Variants in CCDC7 observed in about 807,000 individuals in gnomAD.
CCDC7 encodes the protein coiled-coil domain containing 7.
In CCDC7, 183 loss-of-function variants were observed where a neutral mutation model predicts 196.9. That is an observed-to-expected ratio of 0.93 (90% CI 0.82 to 1.05). CCDC7 has a LOEUF of 1.05. Ranked by LOEUF, CCDC7 falls within the 50% of genes least tolerant of loss-of-function variation. CCDC7 has a pLI of 0.00. For missense variants in CCDC7, 1,540 were observed against 1,482.2 expected (o/e 1.04, Z -0.64); for synonymous variants, 525 against 484.6 (o/e 1.08, Z -1.10).
chr10:32,520,341 T>C (rs2047694387), intron 11 of CCDC7, among the ~76,000 whole-genome samples: 1 of 152,130 alleles, frequency 6.6e-6, no homozygotes, highest in Non-Finnish European at 1.5e-5. Context: ...ACCAACAGTG[T>C]ATGAGGGTTC....
rs187987105 is a variant in CCDC7 at position 32,804,236 on chromosome 10, C to T, written c.3014-779C>T. 2.2e-4 allele frequency among the ~76,000 whole-genome samples: 34 copies of T among 152,200 alleles called. No homozygotes were observed. The East Asian group carries it at 4.6e-3, about 21-fold the overall frequency. ...AATCACCCCTTTCTAACATAAATTC[C>T]TCCTTAATAAATTTCAGGTATTTTT... On this transcript the variant is annotated intron_variant, in intron 29 of 41. Coordinates refer to ENST00000639629, the Ensembl canonical transcript of CCDC7.
At chr10:32,855,224 A>G (rs1444725907) in intron 41 of CCDC7, among the ~76,000 whole-genome samples, 2 of 150,428 alleles carry the variant, frequency 1.3e-5, no homozygotes, top group Admixed American at 6.6e-5. Flanking sequence ...TTTTTAATTC[A>G]TACAGAATCT....
intron 24 of CCDC7, among the ~76,000 whole-genome samples, chr10:32,704,069 C>G (rs1388193948): frequency 6.6e-6 from 1 of 152,126 alleles, no homozygotes; most frequent in Non-Finnish European, 1.5e-5. Context: ...CAGCTGCGTT[C>G]CTTTGGAGGA....
upstream of CCDC7, among the ~76,000 whole-genome samples, chr10:32,449,655 T>A (rs1010196933): frequency 2.0e-5 from 3 of 152,068 alleles, no homozygotes; most frequent in Non-Finnish European, 2.9e-5. Context: ...AGTATGTGGG[T>A]GTATTTGTTT....
intron 13 of CCDC7, among the ~76,000 whole-genome samples, chr10:32,563,527 C>G (rs1240809074): frequency 6.6e-6 from 1 of 152,120 alleles, no homozygotes; most frequent in Non-Finnish European, 1.5e-5. Flanking sequence ...TTTGACAAAC[C>G]TGAGAAAAAT....
At chr10:32,599,780 A>G (rs2060804191) in intron 18 of CCDC7, among the ~76,000 whole-genome samples, 1 of 152,188 alleles carries the variant, frequency 6.6e-6, no homozygotes, top group Non-Finnish European at 1.5e-5. Context: ...TGTATCCAAT[A>G]TGCAGGTTCT....
At chr10:32,782,124 T>C (rs959553408) in intron 29 of CCDC7, among the ~76,000 whole-genome samples, 1 of 152,258 alleles carries the variant, frequency 6.6e-6, no homozygotes, top group Admixed American at 6.5e-5. Context: ...GCAAAAGACT[T>C]GTATACTGAA....
chr10:32,524,635 TA>T (rs1272316622), intron 11 of CCDC7, among the ~76,000 whole-genome samples: 1 of 152,216 alleles, frequency 6.6e-6, no homozygotes, highest in Admixed American at 6.5e-5. Flanking sequence ...GCTTAAAGAA[TA>T]TTTTTGCCAG....
intron 2 of CCDC7, among the ~76,000 whole-genome samples, chr10:32,453,812 T>A (rs903738269): frequency 6.6e-6 from 1 of 152,218 alleles, no homozygotes; most frequent in Admixed American, 6.5e-5. Context: ...GTTTAACATA[T>A]ACTTAAAAGA....
downstream of CCDC7, chr10:32,876,441 A>G (rs2094599555): frequency 6.5e-7 from 1 of 1,540,694 alleles, no homozygotes; most frequent in Non-Finnish European, 8.9e-7. Context: ...AAATTCAGAA[A>G]TGCAGGAAAG....
chr10:32,574,759 A>G (rs1368553903), intron 16 of CCDC7, among the ~76,000 whole-genome samples: 1 of 152,226 alleles, frequency 6.6e-6, no homozygotes, highest in Non-Finnish European at 1.5e-5. Context: ...AGAGTTACAC[A>G]GTCAACCTAG....
At chr10:32,448,841 A>G (rs2032185503), upstream of CCDC7, among the ~76,000 whole-genome samples, 1 of 152,056 alleles carries the variant, frequency 6.6e-6, no homozygotes, top group African/African-American at 2.4e-5. Context: ...CAAACCTGAT[A>G]CTAGCTTTTA....
chr10:32,530,952 G>A (rs563962409), intron 11 of CCDC7, among the ~76,000 whole-genome samples: 2 of 152,084 alleles, frequency 1.3e-5, no homozygotes, highest in African/African-American at 4.8e-5. Flanking sequence ...ATTTTGATGA[G>A]GGTTTTTATC....
At chr10:32,828,485 G>GAAGAAGAAGAAGAA (rs1491309680) in intron 32 of CCDC7, among the ~76,000 whole-genome samples, 6 of 49,748 alleles carry the variant, frequency 1.2e-4, no homozygotes, top group South Asian at 1.0e-3. Context: ...AAGAGGAAGA[G>GAAGAAGAAGAAGAA]GAAGAAGAAG....
intron 5 of CCDC7, among the ~76,000 whole-genome samples, chr10:32,468,224 AATGTTT>A (rs899467214): frequency 2.6e-5 from 4 of 152,252 alleles, no homozygotes; most frequent in Admixed American, 6.5e-5. Context: ...ATGCACATGG[AATGTTT>A]TTCCATTTGT....
At chr10:32,622,733 T>A (rs1239456018) in intron 18 of CCDC7, among the ~76,000 whole-genome samples, 1 of 152,068 alleles carries the variant, frequency 6.6e-6, no homozygotes, top group Non-Finnish European at 1.5e-5. Context: ...AAAATGTAAT[T>A]GAGCACCGCT....
intron 8 of CCDC7, among the ~76,000 whole-genome samples, chr10:32,483,128 G>T (rs2040306092): frequency 6.6e-6 from 1 of 152,248 alleles, no homozygotes; most frequent in East Asian, 1.9e-4. Context: ...GTGTAAAAGT[G>T]TTCCTATTTC....
chr10:32,646,105 G>T (rs2067722778), intron 20 of CCDC7, among the ~76,000 whole-genome samples: 1 of 148,474 alleles, frequency 6.7e-6, no homozygotes, highest in Non-Finnish European at 1.5e-5. Context: ...GTTCTTTGAG[G>T]AGTAATGTTA....
chr10:32,864,936 C>T (rs2094147534), intron 41 of CCDC7, among the ~76,000 whole-genome samples: 1 of 151,822 alleles, frequency 6.6e-6, no homozygotes. Context: ...CCAAATAAAC[C>T]TTGAATTCTA....
Sources: allele counts gnomAD v4.1 joint callset (sites outside exome capture counted in the v4.1 genomes callset), GRCh38; gene constraint gnomAD v4.1.1; transcripts MANE v1.5; gene names NCBI Gene and HGNC (gene_info 2026-07-23, HGNC 2026-07-21).